RERE: variants seen among roughly 807,000 people sequenced by gnomAD.
RERE encodes the protein arginine-glutamic acid dipeptide repeats, also known as arginine-glutamic acid dipeptide repeats protein.
Under a neutral mutation model 146.1 loss-of-function variants are expected in RERE, and 40 were observed. The observed-to-expected ratio is 0.27, with a 90% CI of 0.21 to 0.36. The LOEUF (loss-of-function observed/expected upper bound fraction) is 0.36. Among genes scored for constraint, RERE ranks in the 10% least tolerant of loss-of-function variants. RERE has a pLI of 1.00. For missense variants in RERE, 1,933 were observed against 2,138.7 expected, an observed-to-expected ratio of 0.90 and a Z score of 1.90; for synonymous variants, 1,003 against 866.0, an observed-to-expected ratio of 1.16 and a Z score of -2.78.
At chr1:8,471,460 C>T (rs1644684363) in intron 10 of RERE, among the ~76,000 whole-genome samples, 1 of 151,576 alleles carries the variant, frequency 6.6e-6, no homozygotes, top group South Asian at 2.1e-4. Flanking sequence ...AGCTGTGCAC[C>T]ATGCCTAACT....
intron 8 of RERE, among the ~76,000 whole-genome samples, chr1:8,500,233 G>T (rs1645111929): frequency 6.6e-6 from 1 of 152,182 alleles, no homozygotes; most frequent in Admixed American, 6.5e-5. Context: ...GTACAGTACT[G>T]GGTACAGCAG....
At chr1:8,498,698 AAAAAAAAAAAAT>A (rs1462389022) in intron 8 of RERE, among the ~76,000 whole-genome samples, 2 of 138,502 alleles carry the variant, frequency 1.4e-5, no homozygotes, top group African/African-American at 5.8e-5. Context: ...TCCATCTCAA[AAAAAAAAAAAAT>A]AAAAAAAAAA....
rs182327733 is a variant in RERE, at chr1:8,695,558, T to C, written c.-144-39117A>G. On this transcript the variant is annotated intron_variant, in intron 1 of 22. Coordinates refer to ENST00000400908, the MANE Select transcript of RERE (RefSeq NM_001042681.2). ...TGAGGTCAGCAGTTTGAGATCTGCCTGAACAACATGGTGAAGCTCCATTTC... is the reference window on the plus strand; with the variant it reads ...TGAGGTCAGCAGTTTGAGATCTGCCCGAACAACATGGTGAAGCTCCATTTC... Among the ~76,000 whole-genome samples the C allele has an allele frequency of 3.6e-3, 440 of 121,406 alleles. 4 individuals carry two copies. Among genetic ancestry groups the C allele is most frequent in the South Asian group, 5.1e-3 (20 of 3,928 alleles). The allele number at this position is 121,406 out of a possible 152,430, so 79.6% of individuals were successfully genotyped here.
chr1:8,467,939 C>T (rs915396076), intron 10 of RERE, among the ~76,000 whole-genome samples: 18 of 152,294 alleles, frequency 1.2e-4, no homozygotes, highest in Non-Finnish European at 2.4e-4. Flanking sequence ...CCACCGCACC[C>T]GGCCCAAACA....
chr1:8,793,995 G>C (rs1045720495), intron 1 of RERE, among the ~76,000 whole-genome samples: 2 of 151,960 alleles, frequency 1.3e-5, no homozygotes, highest in African/African-American at 4.8e-5. Context: ...TTGAACCCAG[G>C]GGGTGGAGGT....
At chr1:8,653,296 G>A (rs2124324008) in intron 2 of RERE, among the ~76,000 whole-genome samples, 1 of 152,254 alleles carries the variant, frequency 6.6e-6, no homozygotes, top group African/African-American at 2.4e-5. Context: ...ACTGCACAAG[G>A]CAGCTTGCCT....
chr1:8,579,572 T>C (rs967502489), intron 4 of RERE, among the ~76,000 whole-genome samples: 2 of 152,234 alleles, frequency 1.3e-5, no homozygotes, highest in East Asian at 3.8e-4. Context: ...GAACCAGGCC[T>C]AGGGAATTTA....
At chr1:8,558,915 C>T (rs1009499505) in intron 4 of RERE, among the ~76,000 whole-genome samples, 2 of 150,876 alleles carry the variant, frequency 1.3e-5, no homozygotes, top group African/African-American at 4.9e-5. Flanking sequence ...CCTGCCTCAG[C>T]CTCCCAAGTA....
At chr1:8,692,344 C>CTTT (rs55723477) in intron 1 of RERE, among the ~76,000 whole-genome samples, 14 of 147,590 alleles carry the variant, frequency 9.5e-5, no homozygotes, top group Admixed American at 1.4e-4. Context: ...CTCCCATATA[C>CTTT]TTTTTTTTTT....
intron 11 of RERE, among the ~76,000 whole-genome samples, chr1:8,427,970 C>T (rs1644040211): frequency 6.6e-6 from 1 of 152,190 alleles, no homozygotes; most frequent in African/African-American, 2.4e-5. Context: ...AATCAACAGG[C>T]CCTATAAGCC....
intron 11 of RERE, among the ~76,000 whole-genome samples, chr1:8,430,792 C>T (rs141561151): frequency 1.3e-5 from 2 of 152,272 alleles, no homozygotes; most frequent in African/African-American, 2.4e-5. Flanking sequence ...TAAGTGTAAC[C>T]GGGCCCATTC....
rs781470502 is a variant in RERE at position 8,643,462 on chromosome 1, G to C, written c.325+12511C>G. ...TGTTACTGGGAAGACCACATATTCA[G>C]CAAAAATGTTCACTAAAAATGAAAG... On this transcript the variant is annotated intron_variant, in intron 2 of 22. Coordinates refer to ENST00000400908, the MANE Select transcript of RERE (RefSeq NM_001042681.2). Among the ~76,000 whole-genome samples, 188 of 152,114 alleles carry C rather than the reference G, an allele frequency of 1.2e-3. 2 individuals carry two copies. Among genetic ancestry groups the C allele is most frequent in the Non-Finnish European group, 2.5e-4 (17 of 68,026 alleles).
At chr1:8,492,223 A>C (rs1644988292) in intron 10 of RERE, among the ~76,000 whole-genome samples, 1 of 152,232 alleles carries the variant, frequency 6.6e-6, no homozygotes, top group Admixed American at 6.5e-5. Context: ...AGTGCTAACA[A>C]AACCTTCAGA....
chr1:8,629,475 A>G (rs185095737), intron 2 of RERE, among the ~76,000 whole-genome samples: 3 of 152,316 alleles, frequency 2.0e-5, no homozygotes, highest in Admixed American at 2.0e-4. Flanking sequence ...CCAAAACGTG[A>G]AGGCAGATTC....
chr1:8,358,281 C>G lies in RERE; in HGVS notation c.4254G>C (p.Gln1418His). The G allele has an allele frequency of 6.2e-7, 1 of 1,613,664 alleles. No homozygotes were observed. Among genetic ancestry groups the G allele is most frequent in the Non-Finnish European group, 8.5e-7 (1 of 1,179,630 alleles). ...GATGGTGCGGAGTCACGTTGAACAT[C>G]TGCAGTCGGGCCAGGGGATCGCTGG... ...SLTSDPLARL[Q>H]MFNVTPHHHQ... The change falls in exon 20 of 23, where the codon CAG becomes CAC. Residue 1418 changes from glutamine (Q) to histidine (H), a missense_variant. Coordinates refer to ENST00000400908, the MANE Select transcript of RERE (RefSeq NM_001042681.2).
chr1:8,750,157 A>AAAG (rs913234679), intron 1 of RERE, among the ~76,000 whole-genome samples: 5 of 151,554 alleles, frequency 3.3e-5, no homozygotes, highest in Admixed American at 2.0e-4. Flanking sequence ...TCTCAAAAAA[A>AAAG]AAAAAAAAAA....
intron 11 of RERE, among the ~76,000 whole-genome samples, chr1:8,425,482 G>A (rs888122608): frequency 1.3e-5 from 2 of 152,054 alleles, no homozygotes; most frequent in South Asian, 2.1e-4. Context: ...TGACATCAGC[G>A]AGATCACAAG....
chr1:8,644,898 A>C (rs756455501), intron 2 of RERE, among the ~76,000 whole-genome samples: 23 of 152,236 alleles, frequency 1.5e-4, no homozygotes, highest in Non-Finnish European at 2.9e-4. Context: ...ATTTTCGAAG[A>C]AATCAGTCTA....
At chr1:8,445,913 A>G (rs1450793981) in intron 11 of RERE, among the ~76,000 whole-genome samples, 1 of 148,206 alleles carries the variant, frequency 6.7e-6, no homozygotes, top group African/African-American at 2.5e-5. Flanking sequence ...TACGAGTGAG[A>G]ACATGTGGTG....
Sources: gnomAD v4.1 joint callset for allele counts (sites outside exome capture counted in the v4.1 genomes callset) on GRCh38, gnomAD v4.1.1 for gene constraint, MANE v1.5 for transcripts, NCBI Gene and HGNC (gene_info 2026-07-23, HGNC 2026-07-21) for gene names.